Variants in CELF2 observed in about 807,000 individuals in gnomAD.
The protein encoded by CELF2 is CUGBP Elav-like family member 2, also known as CUG triplet repeat RNA-binding protein 2.
CELF2 carries 8 observed loss-of-function variants against 62.6 expected under a neutral mutation model. The ratio of observed to expected loss-of-function variants is 0.13; its 90% CI spans 0.07 to 0.23. The LOEUF (loss-of-function observed/expected upper bound fraction) is 0.23. CELF2 is among the 10% of genes least tolerant of loss of function. The pLI is 1.00. For synonymous variants in CELF2, 258 were observed against 250.0 expected (o/e 1.03, Z -0.30); for missense variants, 333 against 671.0 (o/e 0.50, Z 5.56).
intron 1 of CELF2, among the ~76,000 whole-genome samples, chr10:11,044,306 T>C (rs528329272): frequency 6.6e-6 from 1 of 152,260 alleles, no homozygotes; most frequent in Non-Finnish European, 1.5e-5. Flanking sequence ...CTTACTGATA[T>C]ATCTGCATAG....
chr10:10,777,198 G>C, the CELF2 span, among the ~76,000 whole-genome samples: 2 of 152,090 alleles, frequency 1.3e-5, no homozygotes, highest in Non-Finnish European at 2.9e-5. Context: ...CACTCCACCA[G>C]CTTTAGATAC....
At chr10:11,149,535 G>T (rs568580016) in intron 1 of CELF2, among the ~76,000 whole-genome samples, 73 of 152,284 alleles carry the variant, frequency 4.8e-4, no homozygotes, top group Admixed American at 7.2e-4. Flanking sequence ...GGCCAGAGGA[G>T]GTGGGATTTC....
chr10:10,774,320 T>G, the CELF2 span, among the ~76,000 whole-genome samples: 3 of 152,106 alleles, frequency 2.0e-5, no homozygotes. Context: ...CACTATGAAG[T>G]AGTTAAAACA....
In CELF2 at chr10:11,224,971, G is replaced by A. The variant is rs752731932; in HGVS notation, c.354+7464G>A. On this transcript the variant is annotated intron_variant, in intron 3 of 12. Transcript: ENST00000633077. This position sits in a 1 kb window ranked among gnomAD's most constrained non-coding sequence, Gnocchi z 4.5. Reference sequence around the variant, plus strand: ...TATGGTCTGGTTTGTGCAGGGAAGCGCGCTGGACACTTACAGGAGGGCGGT... The same window carrying A: ...TATGGTCTGGTTTGTGCAGGGAAGCACGCTGGACACTTACAGGAGGGCGGT... Among the ~76,000 whole-genome samples the A allele has an allele frequency of 2.6e-5, 4 of 152,172 alleles. No individual in the cohort carries two copies. Among genetic ancestry groups the A allele is most frequent in the Admixed American group, 1.3e-4 (2 of 15,262 alleles).
At chr10:10,636,595 T>A in the CELF2 span, among the ~76,000 whole-genome samples, 1 of 152,222 alleles carries the variant, frequency 6.6e-6, no homozygotes, top group African/African-American at 2.4e-5. Flanking sequence ...TCCCCAACCA[T>A]CTCCACACAC....
At position 11,321,519 on chromosome 10, in the gene CELF2, TA is replaced by T. The variant is rs34817797; in HGVS notation, c.1294+147del. 274,558 of 569,516 alleles carry T rather than the reference TA, an allele frequency of 0.48. 32,812 individuals are homozygous for T. The highest frequency in any genetic ancestry group is 0.55 in the Admixed American group (16,888 of 30,876). The allele number at this position is 569,516 out of a possible 1,614,324, so 35.3% of individuals were successfully genotyped here. The stretch of plus-strand genomic sequence containing the variant: ...AAGCAGTTGTTTTGTTATTCATGTT[TA>T]AAAAAAAAAAAAACTGAAAGCTGGG... On this transcript the variant is annotated intron_variant, in intron 11 of 12. Transcript: ENST00000633077. This position sits in a 1 kb window ranked among gnomAD's most constrained non-coding sequence, Gnocchi z 6.2.
chr10:11,070,674 C>T (rs2069645443), intron 1 of CELF2, among the ~76,000 whole-genome samples: 1 of 152,020 alleles, frequency 6.6e-6, no homozygotes, highest in African/African-American at 2.4e-5. Context: ...GTGTCTGGGA[C>T]CAACAATACT....
chr10:11,032,050 A>G (rs756361256), intron 1 of CELF2, among the ~76,000 whole-genome samples: 2 of 151,150 alleles, frequency 1.3e-5, no homozygotes, highest in Non-Finnish European at 2.9e-5. Flanking sequence ...AAAGTTGAGA[A>G]AGTTGGTTGA....
chr10:10,566,153 C>G, the CELF2 span, among the ~76,000 whole-genome samples: 2 of 151,974 alleles, frequency 1.3e-5, no homozygotes, highest in Non-Finnish European at 2.9e-5. Flanking sequence ...AACTAGGAGT[C>G]CAGGGATAAG....
chr10:10,655,741 A>G, the CELF2 span, among the ~76,000 whole-genome samples: 2 of 132,822 alleles, frequency 1.5e-5, no homozygotes, highest in East Asian at 2.0e-4. Context: ...TTAAAGACTT[A>G]AACGTTAGAC....
intron 2 of CELF2, chr10:11,168,851 G>A (rs866926735): frequency 6.6e-6 from 1 of 152,124 alleles, no homozygotes; most frequent in African/African-American, 2.4e-5. Flanking sequence ...TCACTGTAGG[G>A]GCATGTATTG....
Position 11,207,399 on chromosome 10 carries a change from A to C in CELF2, c.272-10026A>C, listed in dbSNP as rs2060680401. Among the ~76,000 whole-genome samples, 1 of 152,164 alleles carries C rather than the reference A, an allele frequency of 6.6e-6. No individual in the cohort carries two copies. Among genetic ancestry groups the C allele is most frequent in the African/African-American group, 2.4e-5 (1 of 41,440 alleles). On this transcript the variant is annotated intron_variant, in intron 2 of 12. Coordinates refer to ENST00000633077, the MANE Select transcript of CELF2 (RefSeq NM_001326342.2). This position sits in a 1 kb window ranked among gnomAD's most constrained non-coding sequence, Gnocchi z 4.1. ...GGGGCCTGGATCTTGTGGCCAGTTG[A>C]CAGAAAGTTGGTCCTAGCGTGTCAA...
the CELF2 span, among the ~76,000 whole-genome samples, chr10:10,522,712 C>T: frequency 1.4e-3 from 213 of 152,172 alleles, 1 homozygote; most frequent in Admixed American, 2.7e-3. Context: ...TGGGATTACA[C>T]GCACATGCCA....
the CELF2 span, among the ~76,000 whole-genome samples, chr10:10,736,810 C>A: frequency 6.6e-6 from 1 of 152,072 alleles, no homozygotes; most frequent in African/African-American, 2.4e-5. Context: ...CAACACCAAT[C>A]TGTTTAAGAA....
the CELF2 span, among the ~76,000 whole-genome samples, chr10:10,624,718 C>G: frequency 6.6e-6 from 1 of 152,184 alleles, no homozygotes; most frequent in Non-Finnish European, 1.5e-5. Context: ...CTATAAATAG[C>G]ACACTCTATT....
the CELF2 span, among the ~76,000 whole-genome samples, chr10:10,639,608 T>TA: frequency 6.6e-6 from 1 of 152,232 alleles, no homozygotes; most frequent in African/African-American, 2.4e-5. Flanking sequence ...TATATATCTT[T>TA]AAAATCCTTC....
At chr10:10,543,299 T>G in the CELF2 span, among the ~76,000 whole-genome samples, 1 of 152,238 alleles carries the variant, frequency 6.6e-6, no homozygotes, top group East Asian at 1.9e-4. Context: ...CTCTTTCCAT[T>G]TCTCCGTCTA....
At chr10:11,262,207 A>G (rs1291018044) in intron 5 of CELF2, among the ~76,000 whole-genome samples, 1 of 152,226 alleles carries the variant, frequency 6.6e-6, no homozygotes, top group Admixed American at 6.5e-5. Context: ...TACAGACTGG[A>G]TTTAGCTATT....
chr10:11,109,404 C>T (rs1277670024), intron 1 of CELF2, among the ~76,000 whole-genome samples: 1 of 152,180 alleles, frequency 6.6e-6, no homozygotes, highest in Non-Finnish European at 1.5e-5. Context: ...TGCAAGGACT[C>T]ACTGGAGCCT....
Sources: gnomAD v4.1 joint callset for allele counts (sites outside exome capture counted in the v4.1 genomes callset) on GRCh38, gnomAD v4.1.1 for gene constraint, Gnocchi (gnomAD v3.1) non-coding constraint, MANE v1.5 for transcripts, NCBI Gene and HGNC (gene_info 2026-07-23, HGNC 2026-07-21) for gene names.